KLF8: variants seen among roughly 807,000 people sequenced by gnomAD.
KLF8 encodes the protein KLF transcription factor 8.
A neutral mutation model predicts 18.2 loss-of-function variants in KLF8; 10 were observed. The ratio of observed to expected loss-of-function variants is 0.55; its 90% confidence interval spans 0.34 to 0.93. KLF8 has a LOEUF of 0.93. Ranked by LOEUF, KLF8 falls within the 40% of genes least tolerant of loss-of-function variation. The pLI, the probability that KLF8 is intolerant of heterozygous loss-of-function variation, is 0.02. For missense variants in KLF8, 264 were observed against 277.9 expected, an observed-to-expected ratio of 0.95 and a Z score of 0.36; for synonymous variants, 109 against 97.3, an observed-to-expected ratio of 1.12 and a Z score of -0.71.
the KLF8 span, among the ~76,000 whole-genome samples, chrX:55,936,737 C>A: frequency 8.9e-6 from 1 of 111,977 alleles, no homozygotes; most frequent in Non-Finnish European, 1.9e-5. Context: ...ATATCCTGCA[C>A]CTGGTTCAGA....
chrX:56,157,948 GA>G, the KLF8 span, among the ~76,000 whole-genome samples: 1 of 111,900 alleles, frequency 8.9e-6, no homozygotes, highest in African/African-American at 3.2e-5. Flanking sequence ...TGGTGTTTTA[GA>G]CATGAAGTCC....
the KLF8 span, among the ~76,000 whole-genome samples, chrX:55,954,800 A>C: frequency 8.9e-6 from 1 of 112,207 alleles, no homozygotes; most frequent in African/African-American, 3.2e-5. Flanking sequence ...TCATCACCTG[A>C]CAGATGGTTA....
chrX:56,065,257 C>A, the KLF8 span, among the ~76,000 whole-genome samples: 7 of 111,527 alleles, frequency 6.3e-5, no homozygotes, highest in African/African-American at 1.9e-4. Context: ...CCCATATGTC[C>A]TGTTGACTTT....
chrX:56,067,606 G>T, the KLF8 span, among the ~76,000 whole-genome samples: 6 of 111,722 alleles, frequency 5.4e-5, no homozygotes, highest in Non-Finnish European at 9.4e-5. Flanking sequence ...CTGGTCAACA[G>T]CCAGCCTGGA....
intron 5 of KLF8, among the ~76,000 whole-genome samples, chrX:56,277,947 AG>A (rs930377785): frequency 8.9e-6 from 1 of 112,573 alleles, no homozygotes; most frequent in African/African-American, 3.2e-5. Flanking sequence ...ATAGGCTTAC[AG>A]GGAGTACTTC....
chrX:56,022,126 C>G, the KLF8 span, among the ~76,000 whole-genome samples: 1 of 110,938 alleles, frequency 9.0e-6, no homozygotes, highest in East Asian at 2.8e-4. Flanking sequence ...GCAGTGAAAA[C>G]CTGTAGAATA....
chrX:56,157,311 C>G, the KLF8 span, among the ~76,000 whole-genome samples: 1 of 109,397 alleles, frequency 9.1e-6, no homozygotes, highest in East Asian at 2.9e-4. Flanking sequence ...GTGCAGCTCA[C>G]CAACATGGCA....
At chrX:55,942,333 C>T in the KLF8 span, among the ~76,000 whole-genome samples, 1 of 107,864 alleles carries the variant, frequency 9.3e-6, no homozygotes, top group Non-Finnish European at 1.9e-5. Flanking sequence ...CGCATGGACA[C>T]AAGAAGGGGA....
chrX:56,071,167 G>T, the KLF8 span, among the ~76,000 whole-genome samples: 1 of 111,248 alleles, frequency 9.0e-6, no homozygotes, highest in Non-Finnish European at 1.9e-5. Flanking sequence ...ATAAAGTCAA[G>T]GTCTAATTTT....
At chrX:55,971,044 AC>A in the KLF8 span, among the ~76,000 whole-genome samples, 1 of 111,488 alleles carries the variant, frequency 9.0e-6, no homozygotes, top group Non-Finnish European at 1.9e-5. Context: ...GACATTCTTT[AC>A]AAAAATAGAA....
intron 3 of KLF8, chrX:56,265,963 T>C: frequency 1.1e-6 from 1 of 944,174 alleles, no homozygotes; most frequent in Non-Finnish European, 1.3e-6. Context: ...TATGCATATC[T>C]ATCAGTGACA....
intron 5 of KLF8, among the ~76,000 whole-genome samples, chrX:56,271,743 T>C (rs185289744): frequency 4.5e-5 from 5 of 111,653 alleles, no homozygotes; most frequent in African/African-American, 6.5e-5. Context: ...ATTCCAAGTC[T>C]CCAATTAAGC....
At chrX:56,133,922 CAA>C in the KLF8 span, among the ~76,000 whole-genome samples, 186 of 98,946 alleles carry the variant, frequency 1.9e-3, 5 homozygotes, top group South Asian at 0.043. Flanking sequence ...ACAATATCTG[CAA>C]AAAAAAAAAA....
At chrX:56,232,315 TC>T (rs1356705009), upstream of KLF8, 4 of 36,115 alleles carry the variant, frequency 1.1e-4, no homozygotes, top group Non-Finnish European at 1.5e-4. Flanking sequence ...CCCTCCTTCC[TC>T]CCTCCTCCTT....
the KLF8 span, among the ~76,000 whole-genome samples, chrX:56,181,623 G>T: frequency 9.0e-6 from 1 of 111,562 alleles, no homozygotes; most frequent in Non-Finnish European, 1.9e-5. Context: ...TCCATGTTTA[G>T]ATCTTCCTTC....
the KLF8 span, among the ~76,000 whole-genome samples, chrX:56,199,731 A>G: frequency 3.6e-5 from 4 of 111,635 alleles, no homozygotes; most frequent in Admixed American, 9.6e-5. Context: ...CCTTTATTTG[A>G]TATATACCCA....
the KLF8 span, among the ~76,000 whole-genome samples, chrX:55,964,580 C>T: frequency 5.4e-5 from 6 of 111,071 alleles, no homozygotes; most frequent in Non-Finnish European, 9.4e-5. Context: ...CTATCTCACA[C>T]ACACACAAAA....
chrX:56,178,558 C>T, the KLF8 span, among the ~76,000 whole-genome samples: 3 of 112,222 alleles, frequency 2.7e-5, no homozygotes, highest in Non-Finnish European at 5.6e-5. Context: ...AGTCCTTGCC[C>T]ATGCCTATGC....
chrX:55,994,006 GT>G, the KLF8 span, among the ~76,000 whole-genome samples: 1 of 107,741 alleles, frequency 9.3e-6, no homozygotes, highest in East Asian at 2.9e-4. Context: ...CGCCTCCCGG[GT>G]TCAAGAGATT....
Sources: allele counts gnomAD v4.1 joint callset (sites outside exome capture counted in the v4.1 genomes callset), GRCh38; gene constraint gnomAD v4.1.1; transcripts MANE v1.5; gene names NCBI Gene and HGNC (gene_info 2026-07-23, HGNC 2026-07-21).